MAP4K4: variants seen among roughly 807,000 people sequenced by gnomAD.
The protein encoded by MAP4K4 is mitogen-activated protein kinase kinase kinase kinase 4.
A neutral mutation model predicts 189.6 loss-of-function variants in MAP4K4; 38 were observed. That is an observed-to-expected ratio of 0.20 (90% CI 0.15 to 0.26). The LOEUF is 0.26. Among genes scored for constraint, MAP4K4 ranks in the 10% least tolerant of loss-of-function variants. The pLI is 1.00. For missense variants in MAP4K4, 1,054 were observed against 1,726.9 expected (o/e 0.61, Z 6.91); for synonymous variants, 610 against 624.3 (o/e 0.98, Z 0.34).
At position 101,773,874 on chromosome 2, in the gene MAP4K4, G is replaced by C. The variant is rs182858426; in HGVS notation, c.124-16846G>C. On this transcript the variant is annotated intron_variant, in intron 2 of 32. Coordinates refer to ENST00000324219, the Ensembl canonical transcript of MAP4K4. ...TGCTTGGCTTCTTTCGCTTAACATA[G>C]TGATCTCCAGTTCCATCCGTATTGT... 1.9e-4 allele frequency among the ~76,000 whole-genome samples: 29 copies of C among 152,224 alleles called. No homozygotes were observed. The East Asian group carries it at 3.5e-3, about 18-fold the overall frequency.
At chr2:101,770,159 GTAGTT>G (rs2080614100) in intron 2 of MAP4K4, among the ~76,000 whole-genome samples, 1 of 150,430 alleles carries the variant, frequency 6.6e-6, no homozygotes, top group African/African-American at 2.4e-5. Context: ...TCATTAACAT[GTAGTT>G]TTCACCTTCA....
At chr2:101,875,380 A>G (rs1242703832) in intron 26 of MAP4K4, among the ~76,000 whole-genome samples, 2 of 149,366 alleles carry the variant, frequency 1.3e-5, no homozygotes, top group Non-Finnish European at 1.5e-5. Flanking sequence ...TTTTTTTTTA[A>G]TCTCTAAGGG....
At chr2:101,850,741 A>C (rs545544960) in intron 12 of MAP4K4, among the ~76,000 whole-genome samples, 139 of 152,304 alleles carry the variant, frequency 9.1e-4, no homozygotes, top group African/African-American at 3.3e-3. Flanking sequence ...AGAACTCCTC[A>C]TAAGTTCTTA....
At chr2:101,747,651 G>A (rs1255802579) in intron 2 of MAP4K4, among the ~76,000 whole-genome samples, 1 of 152,194 alleles carries the variant, frequency 6.6e-6, no homozygotes, top group Non-Finnish European at 1.5e-5. Flanking sequence ...TGTCCCAACA[G>A]CCTTATTTAT....
intron 5 of MAP4K4, 55 bp from the exon 6 acceptor site, chr2:101,829,449 G>C (rs2096520854): frequency 6.8e-6 from 8 of 1,170,624 alleles, no homozygotes; most frequent in Non-Finnish European, 1.0e-5. Flanking sequence ...TGTGTTCCTG[G>C]CTGTTTACTT....
chr2:101,806,751 C>T (rs991678001), intron 3 of MAP4K4, among the ~76,000 whole-genome samples: 2 of 152,154 alleles, frequency 1.3e-5, no homozygotes, highest in East Asian at 3.9e-4. Flanking sequence ...ATTTTTCTCC[C>T]CCTGAAGCTA....
intron 2 of MAP4K4, among the ~76,000 whole-genome samples, chr2:101,779,566 A>G (rs1038588679): frequency 3.3e-5 from 5 of 152,224 alleles, no homozygotes; most frequent in Admixed American, 6.5e-5. Context: ...TTAACAAAAG[A>G]TGATGCTTTG....
chr2:101,737,180 G>T (rs1350753189), intron 2 of MAP4K4, among the ~76,000 whole-genome samples: 1 of 151,936 alleles, frequency 6.6e-6, no homozygotes, highest in Non-Finnish European at 1.5e-5. Context: ...AATCAGTCAG[G>T]TGTGTATGTA....
At chr2:101,869,261 A>G (rs1015286876) in intron 21 of MAP4K4, among the ~76,000 whole-genome samples, 15 of 152,164 alleles carry the variant, frequency 9.9e-5, no homozygotes, top group Admixed American at 2.6e-4. Flanking sequence ...TCCTTACAAC[A>G]AAGTCCAAGA....
intron 3 of MAP4K4, among the ~76,000 whole-genome samples, chr2:101,796,282 A>G (rs2093680247): frequency 6.6e-6 from 1 of 152,184 alleles, no homozygotes. Context: ...TTAGAAATGT[A>G]GCCTCTGGTT....
chr2:101,708,748 T>G (rs2043785295), intron 2 of MAP4K4, among the ~76,000 whole-genome samples: 1 of 152,174 alleles, frequency 6.6e-6, no homozygotes, highest in Admixed American at 6.5e-5. Flanking sequence ...CCAGTTAGAT[T>G]CCTCGTAGTG....
chr2:101,827,158 C>T (rs1331946384), intron 5 of MAP4K4, among the ~76,000 whole-genome samples: 1 of 152,106 alleles, frequency 6.6e-6, no homozygotes, highest in Non-Finnish European at 1.5e-5. Flanking sequence ...TTAAAAGAAG[C>T]CCAAGTTGTT....
chr2:101,834,049 A>G (rs573334281), intron 7 of MAP4K4, among the ~76,000 whole-genome samples: 2 of 152,370 alleles, frequency 1.3e-5, no homozygotes, highest in African/African-American at 4.8e-5. Flanking sequence ...ATGAAGAAAC[A>G]TACAGTAGTT....
At chr2:101,859,123 C>G in intron 14 of MAP4K4, 41 bp downstream of exon 14, 1 of 1,553,898 alleles carries the variant, frequency 6.4e-7, no homozygotes, top group Non-Finnish European at 8.8e-7. Flanking sequence ...CATCAGGGCT[C>G]CTTCATCCGT....
intron 2 of MAP4K4, among the ~76,000 whole-genome samples, chr2:101,711,973 CTT>C (rs57205012): frequency 2.3e-4 from 28 of 122,344 alleles, no homozygotes; most frequent in Admixed American, 3.3e-4. Context: ...CTGTCTTGCC[CTT>C]TTTTTTTTTT....
chr2:101,737,446 TATATATATATA>T (rs1269200850), intron 2 of MAP4K4, among the ~76,000 whole-genome samples: 8 of 35,858 alleles, frequency 2.2e-4, no homozygotes, highest in African/African-American at 1.2e-3. Flanking sequence ...TATATATATA[TATATATATATA>T]TATATTTTTT....
At chr2:101,803,261 GTGTATGTA>G (rs1331019151) in intron 3 of MAP4K4, among the ~76,000 whole-genome samples, 5 of 149,298 alleles carry the variant, frequency 3.3e-5, no homozygotes, top group East Asian at 4.0e-4. Flanking sequence ...GTGTGTGTGT[GTGTATGTA>G]TGTGTGTGTG....
At chr2:101,764,190 G>C (rs995522721) in intron 2 of MAP4K4, among the ~76,000 whole-genome samples, 5 of 152,036 alleles carry the variant, frequency 3.3e-5, no homozygotes, top group Non-Finnish European at 7.4e-5. Flanking sequence ...ATATGCGTAA[G>C]GGTCTAGCTT....
At chr2:101,723,939 C>A (rs1244418348) in intron 2 of MAP4K4, among the ~76,000 whole-genome samples, 2 of 152,176 alleles carry the variant, frequency 1.3e-5, no homozygotes, top group Non-Finnish European at 2.9e-5. Flanking sequence ...TTTACTATAT[C>A]ACTCACAATT....
Sources: gnomAD v4.1 joint callset for allele counts (sites outside exome capture counted in the v4.1 genomes callset) on GRCh38, gnomAD v4.1.1 for gene constraint, MANE v1.5 for transcripts, NCBI Gene and HGNC (gene_info 2026-07-23, HGNC 2026-07-21) for gene names.